DLC1: variants seen among roughly 807,000 people sequenced by gnomAD.
DLC1 encodes DLC1 Rho GTPase activating protein.
In DLC1, 54 loss-of-function variants were observed where a neutral mutation model predicts 140.3. The ratio of observed to expected loss-of-function variants is 0.38; its 90% CI spans 0.31 to 0.48. The LOEUF (loss-of-function observed/expected upper bound fraction) is 0.48. Ranked by LOEUF, DLC1 falls within the 20% of genes least tolerant of loss-of-function variation. The probability of loss-of-function intolerance (pLI) is 0.96; values close to 1 mark genes in which losing one functional copy is unlikely to be tolerated. For missense variants in DLC1, 2,536 were observed against 1,907.0 expected (o/e 1.33, Z -6.14); for synonymous variants, 986 against 728.1 (o/e 1.35, Z -5.70).
intron 5 of DLC1, among the ~76,000 whole-genome samples, chr8:13,185,122 C>CTTTTTTTTTTTTTTTTTTTTT (rs1193667992): frequency 3.5e-5 from 3 of 84,568 alleles, no homozygotes; most frequent in African/African-American, 1.0e-4. Context: ...GCAACCCCTG[C>CTTTTTTTTTTTTTTTTTTTTT]TTTTTTTTTT....
intron 1 of DLC1, among the ~76,000 whole-genome samples, chr8:13,573,185 G>T (rs1249064976): frequency 6.6e-6 from 1 of 151,994 alleles, no homozygotes; most frequent in Non-Finnish European, 1.5e-5. Context: ...TGCCTCCTTT[G>T]TTCAATGTAT....
At chr8:13,140,965 C>G (rs1822935866) in intron 5 of DLC1, among the ~76,000 whole-genome samples, 2 of 152,004 alleles carry the variant, frequency 1.3e-5, no homozygotes, top group African/African-American at 4.8e-5. Context: ...TCTATAAAAG[C>G]CTGCTGTGGC....
At chr8:13,515,508 C>T (rs1802558275), upstream of DLC1, 1 of 152,218 alleles carries the variant, frequency 6.6e-6, no homozygotes, top group African/African-American at 2.4e-5. Context: ...GAGCAGAAGA[C>T]AGGCTCCATC....
At chr8:13,588,851 T>C (rs535613458) in intron 1 of DLC1, among the ~76,000 whole-genome samples, 1 of 152,154 alleles carries the variant, frequency 6.6e-6, no homozygotes, top group Admixed American at 6.6e-5. Context: ...TTATGGGAGT[T>C]CTTTTGTTTT....
At chr8:13,420,351 T>TA (rs1267261397) in intron 2 of DLC1, among the ~76,000 whole-genome samples, 2 of 152,126 alleles carry the variant, frequency 1.3e-5, no homozygotes, top group Non-Finnish European at 2.9e-5. Flanking sequence ...GGTAGAGACT[T>TA]ACGCTACAGT....
In DLC1 at chr8:13,100,281, C is replaced by T. The variant is rs1370925924; in HGVS notation, c.2056G>A (p.Ala686Thr). ...LKSSHHSKHK[A>T]PSKLGLIISG... ...ATGATCAACCCCAGCTTTGAGGGCG[C>T]TTTGTGCTTGCTGTGATGGGAGCTC... Residue 686 changes from alanine (A) to threonine (T), a missense_variant, in exon 9 of 18, where the codon GCG becomes ACG. Coordinates refer to ENST00000276297, the MANE Select transcript of DLC1 (RefSeq NM_182643.3). 6.2e-7 allele frequency: 1 copy of T among 1,614,156 alleles called. No homozygotes were observed. Among genetic ancestry groups the T allele is most frequent in the African/African-American group, 1.3e-5 (1 of 75,068 alleles).
chr8:13,465,050 C>T (rs1029025991), intron 2 of DLC1, among the ~76,000 whole-genome samples: 1 of 151,942 alleles, frequency 6.6e-6, no homozygotes, highest in Non-Finnish European at 1.5e-5. Flanking sequence ...TGTTACTTTA[C>T]AAAATTCTAG....
chr8:13,527,983 A>C (rs1033601330), intron 1 of DLC1, among the ~76,000 whole-genome samples: 1 of 152,170 alleles, frequency 6.6e-6, no homozygotes, highest in African/African-American at 2.4e-5. Context: ...GTTATTAGCC[A>C]CATTTATGAC....
intron 1 of DLC1, among the ~76,000 whole-genome samples, chr8:13,552,111 G>GTGTGTATATATATATATATATA (rs1279225632): frequency 1.8e-5 from 1 of 54,534 alleles, no homozygotes; most frequent in African/African-American, 7.5e-5. Flanking sequence ...GTCTAGAGGT[G>GTGTGTATATATATATATATATA]TATATATATA....
intron 3 of DLC1, among the ~76,000 whole-genome samples, chr8:13,396,227 A>T (rs1461982932): frequency 6.6e-6 from 1 of 151,308 alleles, no homozygotes; most frequent in Non-Finnish European, 1.5e-5. Flanking sequence ...ACCCGGCTAA[A>T]TTTTTGTATT....
chr8:13,371,269 A>G (rs1835713025), intron 4 of DLC1, among the ~76,000 whole-genome samples: 1 of 151,890 alleles, frequency 6.6e-6, no homozygotes, highest in Non-Finnish European at 1.5e-5. Context: ...TTGTCCCTGG[A>G]TTTCCAGAAC....
At chr8:13,187,620 A>C (rs1460290733) in intron 5 of DLC1, among the ~76,000 whole-genome samples, 1 of 152,226 alleles carries the variant, frequency 6.6e-6, no homozygotes. Context: ...AACAGATATT[A>C]GACTATATAT....
In DLC1 at chr8:13,088,606, G is replaced by C. The variant is rs755336964; in HGVS notation, c.4173C>G (p.Leu1391=). The C allele has an allele frequency of 4.3e-6, 7 of 1,614,052 alleles. No homozygotes were observed. The South Asian group carries it at 6.6e-5, about 15-fold the overall frequency. ...ILKRLLKEQH[L]WDVDLLDSKV... ...TTGAATCCAACAGGTCTACATCCCA[G>C]AGGTGCTGTTCTTTAAGTAGGCGCT... The change falls in exon 16 of 18, where the codon CTC becomes CTG. Residue 1391 remains leucine, a synonymous_variant. Transcript: ENST00000276297.
intron 4 of DLC1, among the ~76,000 whole-genome samples, chr8:13,318,363 G>T (rs1445428698): frequency 2.0e-5 from 3 of 151,984 alleles, no homozygotes; most frequent in African/African-American, 7.3e-5. Context: ...ACTACCAAAG[G>T]GATAGTGTTA....
chr8:13,108,630 T>C (rs181906453), intron 7 of DLC1, among the ~76,000 whole-genome samples: 2 of 152,326 alleles, frequency 1.3e-5, no homozygotes, highest in African/African-American at 2.4e-5. Context: ...AATGCTGCAG[T>C]GATATTTTTA....
chr8:13,422,266 C>T (rs1160995038), intron 2 of DLC1, among the ~76,000 whole-genome samples: 4 of 152,056 alleles, frequency 2.6e-5, no homozygotes, highest in African/African-American at 9.7e-5. Flanking sequence ...TAAGACAATA[C>T]AGTATTACTG....
intron 5 of DLC1, among the ~76,000 whole-genome samples, chr8:13,158,882 A>G (rs1385975168): frequency 3.3e-5 from 5 of 152,070 alleles, no homozygotes; most frequent in African/African-American, 4.8e-5. Flanking sequence ...CCCCTGGTAC[A>G]CCCAACAGAC....
rs115306519 is a variant in DLC1 at position 13,532,554 on chromosome 8, C to T, written c.-125-32358G>A. On this transcript the variant is annotated intron_variant, in intron 1 of 1. Coordinates refer to the DLC1 transcript ENST00000631382. The stretch of plus-strand genomic sequence containing the variant: ...TCCCCACATGGGAAAGTGTGTCAGA[C>T]TTCAAAGCACAGGCTCTCTCTCTTT... Among the ~76,000 whole-genome samples, 578 of 151,822 alleles carry T rather than the reference C, an allele frequency of 3.8e-3. 8 individuals carry two copies. The highest frequency in any genetic ancestry group is 0.013 in the African/African-American group (520 of 41,552).
chr8:13,542,857 C>G (rs1803530810), intron 1 of DLC1, among the ~76,000 whole-genome samples: 1 of 151,874 alleles, frequency 6.6e-6, no homozygotes, highest in Non-Finnish European at 1.5e-5. Context: ...GTTCTAATAA[C>G]TTTTTTGTTG....
Sources: gnomAD v4.1 joint callset for allele counts (sites outside exome capture counted in the v4.1 genomes callset) on GRCh38, gnomAD v4.1.1 for gene constraint, MANE v1.5 for transcripts, NCBI Gene and HGNC (gene_info 2026-07-23, HGNC 2026-07-21) for gene names.